ST7: variants seen among roughly 807,000 people sequenced by gnomAD.
The protein encoded by ST7 is suppressor of tumorigenicity 7 protein.
Under a neutral mutation model 78.7 loss-of-function variants are expected in ST7, and 28 were observed. The observed-to-expected ratio is 0.36, with a 90% CI of 0.26 to 0.49. The LOEUF is 0.49. Among genes scored for constraint, ST7 ranks in the 20% least tolerant of loss-of-function variants. The pLI, the probability that ST7 is intolerant of heterozygous loss-of-function variation, is 0.99. For synonymous variants in ST7, 247 were observed against 249.6 expected (o/e 0.99, Z 0.10); for missense variants, 418 against 696.0 (o/e 0.60, Z 4.49).
chr7:117,085,518 G>A (rs1800073559), intron 1 of ST7, among the ~76,000 whole-genome samples: 1 of 152,186 alleles, frequency 6.6e-6, no homozygotes, highest in Non-Finnish European at 1.5e-5. Flanking sequence ...GCATGTGTGC[G>A]ATGACTATTT....
chr7:117,168,365 TGTGTCCTTG>T (rs1807725954), intron 9 of ST7, among the ~76,000 whole-genome samples: 1 of 152,226 alleles, frequency 6.6e-6, no homozygotes, highest in East Asian at 1.9e-4. Flanking sequence ...GAATATGATT[TGTGTCCTTG>T]AAGTTTGATC....
intron 1 of ST7, among the ~76,000 whole-genome samples, chr7:117,027,489 A>AAAGTAAAGTAAAGTAAAGTG (rs1398812261): frequency 2.6e-5 from 4 of 151,274 alleles, no homozygotes; most frequent in Non-Finnish European, 2.9e-5. Context: ...AAAGTAAAGT[A>AAAGTAAAGTAAAGTAAAGTG]AAGTAAAGTA....
rs560898175 is a variant in ST7 at position 117,055,849 on chromosome 7, T to A, written c.152-43913T>A. On this transcript the variant is annotated intron_variant, in intron 1 of 15. Coordinates refer to ENST00000323984, the MANE Select transcript of ST7 (RefSeq NM_001369598.1). ...AGAACTAATAGGATAGATATACATA[T>A]ATATAAAGGCAAATTTATTAAGTAT... Among the ~76,000 whole-genome samples the A allele has an allele frequency of 2.0e-5, 3 of 152,232 alleles. No homozygotes were observed. The South Asian group carries it at 6.2e-4, about 32-fold the overall frequency.
At chr7:117,011,230 C>A (rs1308770965) in intron 1 of ST7, among the ~76,000 whole-genome samples, 3 of 152,082 alleles carry the variant, frequency 2.0e-5, no homozygotes, top group African/African-American at 7.2e-5. Flanking sequence ...AACAGTGTCC[C>A]TGTAAACAGG....
chr7:117,171,999 G>A (rs561200813), intron 10 of ST7, among the ~76,000 whole-genome samples: 2 of 150,040 alleles, frequency 1.3e-5, no homozygotes, highest in South Asian at 4.2e-4. Flanking sequence ...CACCCCAGAT[G>A]GAGTATAGTG....
intron 10 of ST7, among the ~76,000 whole-genome samples, chr7:117,175,506 T>C (rs962910072): frequency 1.3e-5 from 2 of 152,152 alleles, no homozygotes; most frequent in African/African-American, 4.8e-5. Flanking sequence ...GTTCTGCCTG[T>C]CTCTAGTTAG....
At chr7:117,093,632 C>T (rs1470185935) in intron 1 of ST7, among the ~76,000 whole-genome samples, 1 of 152,002 alleles carries the variant, frequency 6.6e-6, no homozygotes, top group Non-Finnish European at 1.5e-5. Flanking sequence ...ACCCGGGAGG[C>T]GGAGGTTGCA....
chr7:117,123,446 G>C (rs186881819), intron 3 of ST7, among the ~76,000 whole-genome samples: 54 of 152,254 alleles, frequency 3.5e-4, no homozygotes, highest in African/African-American at 1.2e-3. Context: ...AATTTGCAGT[G>C]ATCTTTATCT....
chr7:117,095,286 G>A (rs1042266265), intron 1 of ST7, among the ~76,000 whole-genome samples: 3 of 152,174 alleles, frequency 2.0e-5, no homozygotes, highest in Non-Finnish European at 2.9e-5. Context: ...GGCATGCCAC[G>A]TGATTCCTGA....
chr7:117,136,852 C>T (rs1419320232), intron 8 of ST7: 1 of 152,602 alleles, frequency 6.6e-6, no homozygotes, highest in African/African-American at 2.4e-5. Context: ...AGACCTTTCA[C>T]TTCAGTATAC....
chr7:117,223,870 C>T, intron 15 of ST7: 3 of 836,620 alleles, frequency 3.6e-6, no homozygotes, highest in Non-Finnish European at 4.3e-6. Flanking sequence ...GTGCCTTGCT[C>T]ATAGTAGGTT....
chr7:117,049,985 T>G (rs1350880648), intron 1 of ST7, among the ~76,000 whole-genome samples: 1 of 150,324 alleles, frequency 6.7e-6, no homozygotes, highest in South Asian at 2.1e-4. Flanking sequence ...GGCAGGTGGA[T>G]CACGAGATCA....
At chr7:117,200,682 T>C (rs1203812388) in intron 12 of ST7, among the ~76,000 whole-genome samples, 1 of 151,850 alleles carries the variant, frequency 6.6e-6, no homozygotes, top group African/African-American at 2.4e-5. Context: ...CTTGACACAA[T>C]ATGGAGGTGA....
chr7:117,170,908 A>G lies in ST7; in HGVS notation c.1010A>G (p.Asn337Ser). Residue 337 changes from asparagine (N) to serine (S), a missense_variant, in exon 10 of 16, where the codon AAC becomes AGC. By Grantham distance (46) the Asn-to-Ser change is conservative. Transcript: ENST00000323984. ...CTGAGTATGTTCAATATCCATGAAA[A>G]CCTTTTAGAAGCCCTTCTGGAACTA... The part of the protein sequence containing the change: ...PLLSMFNIHE[N>S]LLEALLELQA... 1.2e-6 allele frequency: 2 copies of G among 1,612,398 alleles called. No individual in the cohort carries two copies. Among genetic ancestry groups the G allele is most frequent in the Non-Finnish European group, 1.7e-6 (2 of 1,179,044 alleles).
chr7:117,006,748 A>G (rs73714370), intron 1 of ST7, among the ~76,000 whole-genome samples: 3,487 of 152,248 alleles, frequency 0.023, 111 homozygotes, highest in African/African-American at 0.077. Flanking sequence ...CTGTCGTGCC[A>G]TTTTTCCAAT....
In ST7 at chr7:117,041,232, T is replaced by C. The variant is rs777004395; in HGVS notation, c.152-58530T>C. Among the ~76,000 whole-genome samples, 7 of 152,336 alleles carry C rather than the reference T, an allele frequency of 4.6e-5. No individual in the cohort carries two copies. The East Asian group carries it at 1.3e-3, about 29-fold the overall frequency. ...TGAATCTTTACCACATGTTCATTTT[T>C]CTACACTGAGAATGAATGTAATTCT... is the stretch of plus-strand genomic sequence containing the variant. On this transcript the variant is annotated intron_variant, in intron 1 of 15. Transcript: ENST00000323984.
chr7:117,090,490 CAG>C (rs1355350734), intron 1 of ST7, among the ~76,000 whole-genome samples: 1 of 152,160 alleles, frequency 6.6e-6, no homozygotes, highest in Non-Finnish European at 1.5e-5. Context: ...GATTGAGACA[CAG>C]TGTGTGTGCT....
intron 9 of ST7, among the ~76,000 whole-genome samples, chr7:117,159,833 C>T (rs1411870931): frequency 1.3e-5 from 2 of 152,090 alleles, no homozygotes; most frequent in African/African-American, 4.8e-5. Flanking sequence ...GCGGAGGTTG[C>T]AGTGAGCCGA....
intron 10 of ST7, among the ~76,000 whole-genome samples, chr7:117,178,241 C>A (rs542763916): frequency 6.6e-6 from 1 of 151,964 alleles, no homozygotes; most frequent in African/African-American, 2.4e-5. Flanking sequence ...TGTTGAAGTA[C>A]GAACTTTTAG....
Sources: gnomAD v4.1 joint callset for allele counts (sites outside exome capture counted in the v4.1 genomes callset) on GRCh38, gnomAD v4.1.1 for gene constraint, MANE v1.5 for transcripts, NCBI Gene and HGNC (gene_info 2026-07-23, HGNC 2026-07-21) for gene names.